GLIS1: variants seen among roughly 807,000 people sequenced by gnomAD.
GLIS1 encodes zinc finger protein GLIS1.
Under a neutral mutation model 63.8 loss-of-function variants are expected in GLIS1, and 24 were observed. The observed-to-expected ratio is 0.38, with a 90% CI of 0.27 to 0.53. The LOEUF is 0.53. Ranked by LOEUF, GLIS1 falls within the 20% of genes least tolerant of loss-of-function variation. The probability of loss-of-function intolerance (pLI) is 0.85; values close to 1 mark genes in which losing one functional copy is unlikely to be tolerated. For missense variants in GLIS1, 1,036 were observed against 1,074.1 expected (o/e 0.96, Z 0.50); for synonymous variants, 450 against 482.5 (o/e 0.93, Z 0.88).
chr1:53,696,071 G>A (rs538105877), intron 2 of GLIS1, among the ~76,000 whole-genome samples: 11 of 152,332 alleles, frequency 7.2e-5, no homozygotes, highest in South Asian at 6.2e-4. Context: ...TCCACTCCCA[G>A]CAGTTACCCC....
intron 2 of GLIS1, among the ~76,000 whole-genome samples, chr1:53,719,222 C>T (rs896185702): frequency 2.0e-5 from 3 of 152,310 alleles, no homozygotes; most frequent in African/African-American, 4.8e-5. Flanking sequence ...TTTCGTGTTC[C>T]GTATTTCCAG....
chr1:53,508,875 C>G (rs1644265236), intron 10 of GLIS1, among the ~76,000 whole-genome samples: 1 of 152,220 alleles, frequency 6.6e-6, no homozygotes, highest in South Asian at 2.1e-4. Context: ...AGAAACCTGC[C>G]AGCATTCAGA....
chr1:53,596,389 G>T (rs1645255612), intron 3 of GLIS1, among the ~76,000 whole-genome samples: 1 of 152,170 alleles, frequency 6.6e-6, no homozygotes, highest in Non-Finnish European at 1.5e-5. Flanking sequence ...CACCCCCCTG[G>T]CTGGCTAGGC....
chr1:53,601,763 A>G (rs1014795786), intron 2 of GLIS1, among the ~76,000 whole-genome samples: 2 of 152,208 alleles, frequency 1.3e-5, no homozygotes, highest in Non-Finnish European at 2.9e-5. Flanking sequence ...CTATGTAATA[A>G]GAAGCCTTTT....
chr1:53,565,447 C>T lies in GLIS1; in HGVS notation c.1320+28661G>A, dbSNP rs577159983. On this transcript the variant is annotated intron_variant, in intron 4 of 10. Transcript: ENST00000628545. ...AGAACCAAAAAGACAGGAATTAGTTCTTGAAAAGACTAGTAGACAAACCTC... is the reference window on the plus strand; with the variant it reads ...AGAACCAAAAAGACAGGAATTAGTTTTTGAAAAGACTAGTAGACAAACCTC... Among the ~76,000 whole-genome samples the T allele has an allele frequency of 4.0e-5, 6 of 151,870 alleles. No individual in the cohort carries two copies. In the South Asian group the frequency reaches 1.2e-3, roughly 32 times the overall value.
intron 3 of GLIS1, among the ~76,000 whole-genome samples, chr1:53,595,228 G>A (rs1645242864): frequency 6.6e-6 from 1 of 152,144 alleles, no homozygotes; most frequent in Non-Finnish European, 1.5e-5. Context: ...GGAAAGAAGA[G>A]GCAGGAGGCC....
In GLIS1 at chr1:53,689,569, G is replaced by A. The variant is rs369451804; in HGVS notation, c.259+48237C>T. 1.8e-4 allele frequency among the ~76,000 whole-genome samples: 27 copies of A among 152,204 alleles called. No homozygotes were observed. The East Asian group carries it at 4.5e-3, about 25-fold the overall frequency. ...TCTGCACTGTGACCTTTCTGCCTGAGAACAGTAGAAGGCAAGCGCTCAAGA... is the reference window on the plus strand; with the variant it reads ...TCTGCACTGTGACCTTTCTGCCTGAAAACAGTAGAAGGCAAGCGCTCAAGA... On this transcript the variant is annotated intron_variant, in intron 2 of 10. Coordinates refer to ENST00000628545, the MANE Select transcript of GLIS1 (RefSeq NM_001367484.1).
intron 2 of GLIS1, among the ~76,000 whole-genome samples, chr1:53,629,766 T>C (rs959649963): frequency 6.6e-6 from 1 of 152,196 alleles, no homozygotes; most frequent in Non-Finnish European, 1.5e-5. Context: ...CTACTACATA[T>C]TATTATATTT....
At position 53,660,999 on chromosome 1, in the gene GLIS1, C is replaced by T. The variant is rs182700958; in HGVS notation, c.260-60721G>A. ...ACCCATGTTGGAATCATCCACCACCCGTCCACTGAGTGGCCTTGGGCAGTG... is the reference window on the plus strand; with the variant it reads ...ACCCATGTTGGAATCATCCACCACCTGTCCACTGAGTGGCCTTGGGCAGTG... On this transcript the variant is annotated intron_variant, in intron 2 of 10. Transcript: ENST00000628545. Among the ~76,000 whole-genome samples, 361 of 152,286 alleles carry T rather than the reference C, an allele frequency of 2.4e-3. 3 individuals are homozygous for T. The highest frequency in any genetic ancestry group is 3.4e-3 in the Middle Eastern group (1 of 294).
intron 2 of GLIS1, among the ~76,000 whole-genome samples, chr1:53,733,298 T>C (rs546350382): frequency 5.5e-4 from 83 of 152,264 alleles, no homozygotes; most frequent in African/African-American, 1.9e-3. Flanking sequence ...TTGTTTTTTG[T>C]TTTTTGTTTT....
chr1:53,507,982 G>A (rs894679867), intron 10 of GLIS1, among the ~76,000 whole-genome samples: 5 of 151,964 alleles, frequency 3.3e-5, no homozygotes, highest in South Asian at 2.1e-4. Flanking sequence ...ATGCACACAC[G>A]TCTATCCCGC....
chr1:53,585,971 A>G (rs1264606482), intron 4 of GLIS1, among the ~76,000 whole-genome samples: 2 of 152,234 alleles, frequency 1.3e-5, no homozygotes, highest in Non-Finnish European at 2.9e-5. Flanking sequence ...CTGCATGGCT[A>G]GTGAGCAGCA....
chr1:53,594,145 A>G lies in GLIS1; in HGVS notation c.1283T>C (p.Met428Thr). The G allele has an allele frequency of 6.2e-7, 1 of 1,613,406 alleles. No homozygotes were observed. The highest frequency in any genetic ancestry group is 1.3e-5 in the African/African-American group (1 of 75,058). Reference protein sequence around the residue: ...FNARYKLLIHMRVHSGEKPNK... With the variant: ...FNARYKLLIHTRVHSGEKPNK... ...GGGCTTCTCGCCCGAGTGCACTCGC[A>G]TGTGGATGAGCAGCTTGTAGCGGGC... Residue 428 changes from methionine (M) to threonine (T), a missense_variant, in exon 4 of 11, where the codon ATG (methionine) becomes ACG (threonine). By Grantham distance (81) the Met-to-Thr change is moderately conservative (BLOSUM62 -1). This residue lies in a region of GLIS1 where 592 missense variants were observed against 593.9 expected (regional missense o/e 1.00). Transcript: ENST00000628545.
intron 4 of GLIS1, among the ~76,000 whole-genome samples, chr1:53,549,873 C>T (rs1189484793): frequency 2.0e-5 from 3 of 152,150 alleles, no homozygotes; most frequent in African/African-American, 7.2e-5. Flanking sequence ...CAAACAGAGT[C>T]ACAGAGCAGC....
intron 2 of GLIS1, among the ~76,000 whole-genome samples, chr1:53,698,691 C>T (rs1207832735): frequency 6.6e-6 from 1 of 152,218 alleles, no homozygotes; most frequent in Admixed American, 6.5e-5. Flanking sequence ...CTGAAAGGTC[C>T]ATGGGCAGAG....
chr1:53,620,080 G>A (rs532116993), intron 2 of GLIS1, among the ~76,000 whole-genome samples: 2 of 152,340 alleles, frequency 1.3e-5, no homozygotes, highest in Non-Finnish European at 2.9e-5. Context: ...GTTCTGCAAG[G>A]CTGAGATCAG....
At chr1:53,662,398 C>T (rs957542200) in intron 2 of GLIS1, among the ~76,000 whole-genome samples, 4 of 152,152 alleles carry the variant, frequency 2.6e-5, no homozygotes, top group South Asian at 2.1e-4. Context: ...TGGATGGGAA[C>T]GCACTTTGTA....
chr1:53,595,016 A>G, intron 3 of GLIS1, 26 bp from the exon 4 acceptor site: 2 of 1,403,664 alleles, frequency 1.4e-6, no homozygotes, highest in Non-Finnish European at 1.8e-6. Flanking sequence ...CAGAGAGGTC[A>G]TGAGAGGCTG....
chr1:53,732,124 C>A (rs147852414), intron 2 of GLIS1, among the ~76,000 whole-genome samples: 190 of 152,352 alleles, frequency 1.2e-3, no homozygotes, highest in Non-Finnish European at 2.4e-3. Context: ...CTCTTCTCAG[C>A]GCATCTGACT....
Sources: allele counts gnomAD v4.1 joint callset (sites outside exome capture counted in the v4.1 genomes callset), GRCh38; gene constraint gnomAD v4.1.1; regional missense constraint gnomAD v4.1.1; transcripts MANE v1.5; gene names NCBI Gene and HGNC (gene_info 2026-07-23, HGNC 2026-07-21).